The following KAT6A variants were observed in gnomAD, a reference collection of about 807,000 sequenced individuals.
KAT6A encodes the protein histone acetyltransferase KAT6A.
KAT6A carries 9 observed loss-of-function variants against 198.4 expected under a neutral mutation model. The ratio of observed to expected loss-of-function variants is 0.05; its 90% CI spans 0.03 to 0.08. The LOEUF is 0.08. Among genes scored for constraint, KAT6A ranks in the 10% least tolerant of loss-of-function variants. The pLI is 1.00. For synonymous variants in KAT6A, 890 were observed against 883.0 expected, an observed-to-expected ratio of 1.01 and a Z score of -0.14; for missense variants, 2,077 against 2,509.9, an observed-to-expected ratio of 0.83 and a Z score of 3.69.
chr8:41,946,491 TATACACACACACACACACACAC>T (rs1479820495), intron 12 of KAT6A, 78 bp downstream of exon 12: 33 of 464,114 alleles, frequency 7.1e-5, no homozygotes, highest in African/African-American at 1.8e-4. Context: ...AATATATATA[TATACACACACACACACACACAC>T]ACACACACAC....
chr8:42,040,735 C>CAAA (rs59959496), intron 2 of KAT6A, among the ~76,000 whole-genome samples: 11,452 of 54,392 alleles, frequency 0.21, 1,862 homozygotes, highest in Non-Finnish European at 0.26. Context: ...GACTCTGTCT[C>CAAA]AAAAAAAAAA....
rs759354226 is a variant in KAT6A at position 41,943,882 on chromosome 8, T to C, written c.2094A>G (p.Val698=). The change falls in exon 13 of 17, where the codon GTA becomes GTG. Residue 698 remains valine (V), a synonymous_variant. Transcript: ENST00000265713. ...RLSYMAYWKS[V]ILECLYHQND... ...TTTGGTGATAAAGGCACTCCAATAT[T>C]ACACTTTTCCAATATGCCATGTAGG... 1.9e-6 allele frequency: 3 copies of C among 1,613,972 alleles called. No individual in the cohort carries two copies. Among genetic ancestry groups the C allele is most frequent in the Non-Finnish European group, 2.5e-6 (3 of 1,179,942 alleles).
At chr8:42,011,567 G>A (rs1459196348) in intron 2 of KAT6A, among the ~76,000 whole-genome samples, 1 of 152,156 alleles carries the variant, frequency 6.6e-6, no homozygotes, top group African/African-American at 2.4e-5. Context: ...GAGAAACCCC[G>A]TCTCTACTAA....
At position 42,049,431 on chromosome 8, in the gene KAT6A, T is replaced by C. The variant is rs78262152; in HGVS notation, c.-325-129A>G. ...ACCCTTAAGAATTTCCAAACTTATC[T>C]ATTAATATTCCAAAACAATCATGTA... On this transcript the variant is annotated intron_variant, in intron 1 of 16. Coordinates refer to ENST00000265713, the MANE Select transcript of KAT6A (RefSeq NM_006766.5). The C allele has an allele frequency of 0.11, 19,899 of 185,344 alleles. 1,425 individuals carry two copies. The highest frequency in any genetic ancestry group is 0.27 in the East Asian group (2,976 of 10,998). The allele number at this position is 185,344 out of a possible 1,614,324, so 11.5% of individuals were successfully genotyped here.
intron 2 of KAT6A, among the ~76,000 whole-genome samples, chr8:42,003,943 C>T (rs972864124): frequency 3.9e-5 from 6 of 152,152 alleles, no homozygotes; most frequent in Admixed American, 6.6e-5. Flanking sequence ...CTTCCAGTTT[C>T]CAGAATTGTA....
intron 15 of KAT6A, among the ~76,000 whole-genome samples, chr8:41,939,876 T>C (rs921594720): frequency 6.6e-6 from 1 of 152,332 alleles, no homozygotes; most frequent in Non-Finnish European, 1.5e-5. Flanking sequence ...GTATCTACAC[T>C]GGTTCAGTAA....
At chr8:42,010,829 C>T (rs941503851) in intron 2 of KAT6A, among the ~76,000 whole-genome samples, 1 of 152,182 alleles carries the variant, frequency 6.6e-6, no homozygotes, top group Non-Finnish European at 1.5e-5. Flanking sequence ...CTTTGCTTCC[C>T]CAGGGTTTCC....
intron 9 of KAT6A, among the ~76,000 whole-genome samples, chr8:41,953,617 G>A (rs1043566531): frequency 4.6e-5 from 7 of 152,160 alleles, no homozygotes; most frequent in African/African-American, 1.7e-4. Context: ...GGGATTACAG[G>A]CACCCACCAC....
At chr8:41,935,553 G>C (rs1821805752) in intron 16 of KAT6A, among the ~76,000 whole-genome samples, 2 of 151,976 alleles carry the variant, frequency 1.3e-5, no homozygotes, top group Non-Finnish European at 2.9e-5. Flanking sequence ...TATATTATTA[G>C]CATTTTAAAA....
chr8:42,034,609 T>C (rs1042592560), intron 2 of KAT6A, among the ~76,000 whole-genome samples: 11 of 152,260 alleles, frequency 7.2e-5, no homozygotes, highest in African/African-American at 2.4e-4. Flanking sequence ...ACATATTCTG[T>C]ACTGTCCATT....
intron 8 of KAT6A, among the ~76,000 whole-genome samples, chr8:41,959,635 C>A (rs758721489): frequency 6.6e-6 from 1 of 152,168 alleles, no homozygotes; most frequent in African/African-American, 2.4e-5. Context: ...GTGGTACATA[C>A]GTACAATGGA....
At position 42,048,623 on chromosome 8, in the gene KAT6A, T is replaced by C. The variant is rs77503253; in HGVS notation, c.355A>G (p.Lys119Glu). 6.2e-7 allele frequency: 1 copy of C among 1,614,216 alleles called. No individual in the cohort carries two copies. Among genetic ancestry groups the C allele is most frequent in the Non-Finnish European group, 8.5e-7 (1 of 1,180,034 alleles). Residue 119 changes from lysine (K) to glutamate (E), a missense_variant, in exon 2 of 17, where the codon AAA becomes GAA. Physicochemically the swap from Lys to Glu is moderately conservative, Grantham distance 56. Coordinates refer to ENST00000265713, the MANE Select transcript of KAT6A (RefSeq NM_006766.5). ...GLAESGGSTL[K>E]SIERFLKGQK... ...CCTTTCAAAAAACGTTCAATGCTTT[T>C]CAAAGTTGAGCCACCAGACTCTGCC...
In KAT6A at chr8:42,007,878, C is replaced by T. The variant is rs182444362; in HGVS notation, c.601-20315G>A. Among the ~76,000 whole-genome samples, 126 of 141,062 alleles carry T rather than the reference C, an allele frequency of 8.9e-4. 1 individual carries two copies. In the East Asian group the frequency reaches 0.022, roughly 25 times the overall value. 92.5% of individuals were successfully genotyped at this position (141,062 alleles called of 152,430 possible). A position where few individuals can be genotyped will look rare whatever the true frequency, so the allele number is the denominator to read the frequency against. ...TCAGGAGGCTGAGGCAGGAGAATGG[C>T]GTGAACCAGGGAGGCGGAGCTTGCA... On this transcript the variant is annotated intron_variant, in intron 2 of 16. Coordinates refer to ENST00000265713, the MANE Select transcript of KAT6A (RefSeq NM_006766.5).
intron 8 of KAT6A, among the ~76,000 whole-genome samples, chr8:41,967,537 A>C (rs1407458998): frequency 6.8e-6 from 1 of 147,262 alleles, no homozygotes; most frequent in Non-Finnish European, 1.5e-5. Context: ...ATGAGTGAGA[A>C]TATGCAGTGT....
chr8:41,942,587 TCTC>T (rs1350856398), intron 14 of KAT6A: 7 of 579,842 alleles, frequency 1.2e-5, no homozygotes, highest in African/African-American at 1.9e-5. Flanking sequence ...AATTTGATGG[TCTC>T]CTCCTAATTG....
chr8:42,008,322 G>A (rs2150906809), intron 2 of KAT6A, among the ~76,000 whole-genome samples: 1 of 152,162 alleles, frequency 6.6e-6, no homozygotes, highest in East Asian at 1.9e-4. Flanking sequence ...CCTAAAAACT[G>A]AAACCCTATC....
At position 41,930,784 on chromosome 8, in the gene KAT6A, G is replaced by C. The variant is rs1406533908; in HGVS notation, c.*1421C>G. 1.3e-5 allele frequency: 2 copies of C among 153,524 alleles called. No homozygotes were observed. The highest frequency in any genetic ancestry group is 2.4e-4 in the South Asian group (1 of 4,092). 9.5% of individuals were successfully genotyped at this position (153,524 alleles called of 1,614,324 possible). On this transcript the variant is annotated 3_prime_UTR_variant, in exon 17 of 17. Transcript: ENST00000265713. ...ATCCCTGGAGCAAGTAATAGGAAGA[G>C]AATGGGCAAACTGGTTGCACGAGAG...
chr8:41,991,836 GGATAA>G (rs1824962489), intron 2 of KAT6A, among the ~76,000 whole-genome samples: 3 of 152,070 alleles, frequency 2.0e-5, no homozygotes, highest in African/African-American at 7.2e-5. Context: ...TACAGAAATG[GGATAA>G]AGACTGAGAG....
intron 2 of KAT6A, among the ~76,000 whole-genome samples, chr8:41,993,565 A>G (rs1825043642): frequency 6.6e-6 from 1 of 152,232 alleles, no homozygotes; most frequent in African/African-American, 2.4e-5. Flanking sequence ...CCACAGAGAT[A>G]TACTATTACT....
Sources: gnomAD v4.1 joint callset for allele counts (sites outside exome capture counted in the v4.1 genomes callset) on GRCh38, gnomAD v4.1.1 for gene constraint, MANE v1.5 for transcripts, NCBI Gene and HGNC (gene_info 2026-07-23, HGNC 2026-07-21) for gene names.